Variants in MRAP2 observed in about 807,000 individuals in gnomAD.
MRAP2 encodes the protein melanocortin-2 receptor accessory protein 2.
Under a neutral mutation model 17.4 loss-of-function variants are expected in MRAP2, and 20 were observed. The ratio of observed to expected loss-of-function variants is 1.15; its 90% CI spans 0.81 to 1.67. The LOEUF (loss-of-function observed/expected upper bound fraction) is 1.67, where lower values mean the gene tolerates loss of function less well. MRAP2 is among the 40% of genes most tolerant of loss of function. The pLI is 0.00. For missense variants in MRAP2, 238 were observed against 240.0 expected (o/e 0.99, Z 0.05); for synonymous variants, 96 against 88.4 (o/e 1.09, Z -0.48).
intron 2 of MRAP2, among the ~76,000 whole-genome samples, chr6:84,056,222 T>C (rs2099491681): frequency 6.6e-6 from 1 of 152,228 alleles, no homozygotes; most frequent in African/African-American, 2.4e-5. Context: ...TTTATGCTCT[T>C]AACTGGTCCA....
chr6:84,128,695 CTTT>C, the MRAP2 span, among the ~76,000 whole-genome samples: 1 of 149,454 alleles, frequency 6.7e-6, no homozygotes, highest in Admixed American at 6.7e-5. Context: ...AAACATTAAA[CTTT>C]TTTTTTTAAG....
chr6:84,065,008 G>A (rs1036897944), intron 3 of MRAP2, among the ~76,000 whole-genome samples: 1 of 152,184 alleles, frequency 6.6e-6, no homozygotes, highest in Non-Finnish European at 1.5e-5. Flanking sequence ...AACACAGCCA[G>A]GCACGGTGGC....
chr6:84,050,391 A>G (rs2099490127), intron 1 of MRAP2, among the ~76,000 whole-genome samples: 2 of 152,174 alleles, frequency 1.3e-5, no homozygotes, highest in Non-Finnish European at 2.9e-5. Flanking sequence ...ATTGCCTTAT[A>G]GAGATGCTTT....
At chr6:84,104,370 A>G in the MRAP2 span, among the ~76,000 whole-genome samples, 1 of 152,040 alleles carries the variant, frequency 6.6e-6, no homozygotes, top group Admixed American at 6.5e-5. Flanking sequence ...TATTTTCCCC[A>G]TTATCTTGGG....
intron 3 of MRAP2, among the ~76,000 whole-genome samples, chr6:84,086,866 CAT>C (rs2099500613): frequency 6.6e-6 from 1 of 152,204 alleles, no homozygotes; most frequent in Non-Finnish European, 1.5e-5. Flanking sequence ...TTCCAGGAAA[CAT>C]AGCTGTGTTA....
the MRAP2 span, among the ~76,000 whole-genome samples, chr6:84,117,441 C>T: frequency 6.6e-6 from 1 of 151,790 alleles, no homozygotes; most frequent in Non-Finnish European, 1.5e-5. Flanking sequence ...TAGTTTCAGT[C>T]AGAATAGTAC....
intron 2 of MRAP2, among the ~76,000 whole-genome samples, chr6:84,057,383 C>T (rs2099491953): frequency 1.3e-5 from 2 of 152,280 alleles, no homozygotes; most frequent in South Asian, 2.1e-4. Context: ...TCTTTATTTG[C>T]CTTACCTGTA....
chr6:84,100,946 G>A, the MRAP2 span, among the ~76,000 whole-genome samples: 5 of 151,808 alleles, frequency 3.3e-5, no homozygotes, highest in East Asian at 9.7e-4. Flanking sequence ...ATTTACAATT[G>A]TTTATTCTAT....
intron 2 of MRAP2, chr6:84,062,114 G>A (rs2099493315): frequency 6.1e-6 from 6 of 985,424 alleles, no homozygotes; most frequent in Non-Finnish European, 7.2e-6. Flanking sequence ...AACCAATTGA[G>A]TTGTTAAACT....
At chr6:84,141,961 T>C in the MRAP2 span, among the ~76,000 whole-genome samples, 1 of 152,152 alleles carries the variant, frequency 6.6e-6, no homozygotes, top group African/African-American at 2.4e-5. Context: ...TGGAGAAAAC[T>C]TCCGTCCTTT....
intron 3 of MRAP2, among the ~76,000 whole-genome samples, chr6:84,088,501 C>A (rs552569741): frequency 6.6e-6 from 1 of 152,168 alleles, no homozygotes; most frequent in East Asian, 1.9e-4. Context: ...TGAGTTCATA[C>A]GTTTGTAAAA....
the MRAP2 span, among the ~76,000 whole-genome samples, chr6:84,120,029 T>C: frequency 6.6e-6 from 1 of 152,176 alleles, no homozygotes; most frequent in Middle Eastern, 3.2e-3. Flanking sequence ...ATGTGCAAGC[T>C]GGAGAAATGA....
At position 84,084,903 on chromosome 6, in the gene MRAP2, ATTTTAT is replaced by A. The variant is rs1220558142; in HGVS notation, c.228-4184_228-4179del. Among the ~76,000 whole-genome samples, 886 of 108,946 alleles carry A rather than the reference ATTTTAT, an allele frequency of 8.1e-3. 6 individuals carry two copies. Among genetic ancestry groups the A allele is most frequent in the African/African-American group, 0.029 (740 of 25,252 alleles). 71.5% of individuals were successfully genotyped at this position (108,946 alleles called of 152,430 possible). On this transcript the variant is annotated intron_variant, in intron 3 of 3. Transcript: ENST00000257776. ...ATTTTATTTTATTTTATTTTATTTT[ATTTTAT>A]TTTATTTATTTATTTTATTTTACTT...
At chr6:84,104,469 ATAGT>A in the MRAP2 span, among the ~76,000 whole-genome samples, 1 of 152,322 alleles carries the variant, frequency 6.6e-6, no homozygotes, top group East Asian at 1.9e-4. Context: ...TTTCTATCGC[ATAGT>A]TAGGCTACAA....
chr6:84,108,840 T>A, the MRAP2 span, among the ~76,000 whole-genome samples: 13 of 152,176 alleles, frequency 8.5e-5, no homozygotes, highest in Non-Finnish European at 1.2e-4. Context: ...TCATCTTGAG[T>A]TCATTTTATA....
rs1347955409 is a variant in MRAP2, at chr6:84,090,183, T to C, written c.*702T>C. ...TTTGCCTTCAGATGAGGCTGAGCTA[T>C]ACATAAAACAGTATAAACTAGGGTA... On this transcript the variant is annotated 3_prime_UTR_variant, in exon 4 of 4. Transcript: ENST00000257776. 1.3e-5 allele frequency: 2 copies of C among 152,338 alleles called. No homozygotes were observed. The highest frequency in any genetic ancestry group is 4.1e-4 in the South Asian group (2 of 4,832). 9.4% of individuals were successfully genotyped at this position (152,338 alleles called of 1,614,324 possible).
At chr6:84,033,682 T>TCCCGCGCTGCAGCCCTGCTCCGGCGC, upstream of MRAP2, 14 of 984,810 alleles carry the variant, frequency 1.4e-5, no homozygotes, top group Non-Finnish European at 1.7e-5. Flanking sequence ...GGGAGGCGGC[T>TCCCGCGCTGCAGCCCTGCTCCGGCGC]CCCGCGCTGC....
the MRAP2 span, among the ~76,000 whole-genome samples, chr6:84,117,873 T>G: frequency 6.6e-6 from 1 of 152,194 alleles, no homozygotes; most frequent in Non-Finnish European, 1.5e-5. Context: ...CTCAGGGGAA[T>G]ACTGACTTGT....
the MRAP2 span, among the ~76,000 whole-genome samples, chr6:84,117,240 C>T: frequency 1.3e-5 from 2 of 152,162 alleles, no homozygotes; most frequent in East Asian, 1.9e-4. Flanking sequence ...CCAGGCTGGT[C>T]TTGAACTCCT....
Sources: gnomAD v4.1 joint callset for allele counts (sites outside exome capture counted in the v4.1 genomes callset) on GRCh38, gnomAD v4.1.1 for gene constraint, MANE v1.5 for transcripts, NCBI Gene and HGNC (gene_info 2026-07-23, HGNC 2026-07-21) for gene names.